CNTNAP2: variants seen among roughly 807,000 people sequenced by gnomAD.
CNTNAP2 encodes contactin associated protein 2.
CNTNAP2 carries 98 observed loss-of-function variants against 155.2 expected under a neutral mutation model. The ratio of observed to expected loss-of-function variants is 0.63; its 90% CI spans 0.54 to 0.75. The LOEUF is 0.75. Among genes scored for constraint, CNTNAP2 ranks in the 30% least tolerant of loss-of-function variants. CNTNAP2 has a pLI of 0.00. For missense variants in CNTNAP2, 1,727 were observed against 1,688.1 expected, an observed-to-expected ratio of 1.02 and a Z score of -0.40; for synonymous variants, 651 against 631.2, an observed-to-expected ratio of 1.03 and a Z score of -0.47.
intron 13 of CNTNAP2, among the ~76,000 whole-genome samples, chr7:147,804,604 A>C (rs1467802164): frequency 6.6e-6 from 1 of 151,864 alleles, no homozygotes; most frequent in Non-Finnish European, 1.5e-5. Context: ...CCCAGACTGG[A>C]GTACAGTGGT....
At chr7:148,189,287 A>G (rs2116714767) in intron 18 of CNTNAP2, among the ~76,000 whole-genome samples, 1 of 152,294 alleles carries the variant, frequency 6.6e-6, no homozygotes, top group East Asian at 1.9e-4. Context: ...TTTGAAGGTA[A>G]GAGTCAATCT....
chr7:147,393,420 A>T lies in CNTNAP2; in HGVS notation c.1499-2189A>T, dbSNP rs956946578. 4.0e-5 allele frequency among the ~76,000 whole-genome samples: 6 copies of T among 151,638 alleles called. No individual in the cohort carries two copies. The South Asian group carries it at 1.2e-3, about 32-fold the overall frequency. ...TTCAGAGCAGCTTTTATTTTCACAC[A>T]TACATCCATTCATTTTGAAATCTTT... On this transcript the variant is annotated intron_variant, in intron 9 of 23. Coordinates refer to ENST00000361727, the MANE Select transcript of CNTNAP2 (RefSeq NM_014141.6).
chr7:147,612,855 C>G (rs1039594627), intron 12 of CNTNAP2, among the ~76,000 whole-genome samples: 2 of 152,152 alleles, frequency 1.3e-5, no homozygotes, highest in Non-Finnish European at 2.9e-5. Flanking sequence ...GAAATTCACT[C>G]ATGTTTCATA....
At position 147,238,172 on chromosome 7, in the gene CNTNAP2, GC is replaced by G. The variant is rs1254691512; in HGVS notation, c.1349-61966del. On this transcript the variant is annotated intron_variant, in intron 8 of 23. Transcript: ENST00000361727. ...TGGGACTACAGGCGCCCGCCACCAC[GC>G]CCGGCTAATTTTTTGTAGTTTTTAG... Among the ~76,000 whole-genome samples, 5 of 152,182 alleles carry G rather than the reference GC, an allele frequency of 3.3e-5. No homozygotes were observed. The East Asian group carries it at 9.7e-4, about 30-fold the overall frequency.
intron 15 of CNTNAP2, among the ~76,000 whole-genome samples, chr7:148,015,026 A>C (rs1281566123): frequency 6.6e-6 from 1 of 152,016 alleles, no homozygotes; most frequent in African/African-American, 2.4e-5. Flanking sequence ...CCCCACAAGC[A>C]AGCCTTTGAG....
At chr7:148,192,103 T>C (rs1795208642) in intron 18 of CNTNAP2, among the ~76,000 whole-genome samples, 1 of 152,170 alleles carries the variant, frequency 6.6e-6, no homozygotes. Flanking sequence ...GTTTCAGGGC[T>C]TACAGAAGCA....
intron 4 of CNTNAP2, among the ~76,000 whole-genome samples, chr7:147,071,812 A>G (rs1330405704): frequency 6.6e-6 from 1 of 152,232 alleles, no homozygotes; most frequent in African/African-American, 2.4e-5. Flanking sequence ...TCTTGTTTCA[A>G]GTCATTCTTG....
chr7:147,640,085 G>T (rs1795248252), intron 13 of CNTNAP2, among the ~76,000 whole-genome samples: 1 of 152,048 alleles, frequency 6.6e-6, no homozygotes, highest in Admixed American at 6.5e-5. Context: ...TGTGACTTTG[G>T]TGGAGTGAGT....
At chr7:146,220,947 G>T (rs559568558) in intron 1 of CNTNAP2, among the ~76,000 whole-genome samples, 26 of 152,176 alleles carry the variant, frequency 1.7e-4, no homozygotes, top group Non-Finnish European at 3.7e-4. Context: ...CCCAGTCTGA[G>T]GCCTATGCCC....
intron 2 of CNTNAP2, among the ~76,000 whole-genome samples, chr7:146,778,285 A>G (rs1211192699): frequency 6.6e-6 from 1 of 152,244 alleles, no homozygotes; most frequent in Non-Finnish European, 1.5e-5. Context: ...ATATATTCAA[A>G]TGACAGATTG....
chr7:146,900,868 T>C (rs1184015967), intron 3 of CNTNAP2, among the ~76,000 whole-genome samples: 1 of 152,180 alleles, frequency 6.6e-6, no homozygotes, highest in Non-Finnish European at 1.5e-5. Context: ...ATTCATTCAC[T>C]GCTTAGCATA....
At chr7:146,831,217 A>G (rs1006453033) in intron 2 of CNTNAP2, among the ~76,000 whole-genome samples, 3 of 152,100 alleles carry the variant, frequency 2.0e-5, no homozygotes, top group Non-Finnish European at 2.9e-5. Flanking sequence ...TTTTTCCCAG[A>G]TGTACCAACT....
At chr7:146,244,345 G>A (rs562393940) in intron 1 of CNTNAP2, among the ~76,000 whole-genome samples, 7 of 152,226 alleles carry the variant, frequency 4.6e-5, no homozygotes, top group East Asian at 1.9e-4. Flanking sequence ...AGTTGAGAAC[G>A]GTGAATAGGA....
chr7:146,273,214 C>CAA (rs57230385), intron 1 of CNTNAP2, among the ~76,000 whole-genome samples: 24 of 101,982 alleles, frequency 2.4e-4, no homozygotes, highest in African/African-American at 7.9e-4. Flanking sequence ...GCGTCACGTG[C>CAA]AAAAAAAAAA....
At chr7:146,848,026 A>C (rs1178168384) in intron 3 of CNTNAP2, among the ~76,000 whole-genome samples, 1 of 152,212 alleles carries the variant, frequency 6.6e-6, no homozygotes, top group Non-Finnish European at 1.5e-5. Flanking sequence ...AGAAGACTTG[A>C]AAATAGGCTT....
chr7:148,380,874 A>G (rs568694755), intron 21 of CNTNAP2, among the ~76,000 whole-genome samples: 34 of 152,320 alleles, frequency 2.2e-4, no homozygotes, highest in South Asian at 1.0e-3. Flanking sequence ...GGGACTTGCA[A>G]CAGGGGTGCC....
At chr7:148,393,748 T>C (rs1198365421) in intron 22 of CNTNAP2, among the ~76,000 whole-genome samples, 1 of 152,198 alleles carries the variant, frequency 6.6e-6, no homozygotes, top group Non-Finnish European at 1.5e-5. Flanking sequence ...ATATTATTCT[T>C]TTAAATGTGG....
At chr7:147,397,293 A>G (rs972040425) in intron 10 of CNTNAP2, among the ~76,000 whole-genome samples, 1 of 152,222 alleles carries the variant, frequency 6.6e-6, no homozygotes. Flanking sequence ...GCCTAGAGCA[A>G]GTAGCAGCAA....
intron 11 of CNTNAP2, among the ~76,000 whole-genome samples, chr7:147,533,623 G>A (rs1032427720): frequency 5.6e-4 from 84 of 150,386 alleles, no homozygotes; most frequent in African/African-American, 1.8e-3. Flanking sequence ...TACTTACTTG[G>A]AGCCAGGCAC....
Sources: gnomAD v4.1 joint callset for allele counts (sites outside exome capture counted in the v4.1 genomes callset) on GRCh38, gnomAD v4.1.1 for gene constraint, MANE v1.5 for transcripts, NCBI Gene and HGNC (gene_info 2026-07-23, HGNC 2026-07-21) for gene names.